Variants in PTPRN2 observed in about 807,000 individuals in gnomAD.
PTPRN2 encodes the protein protein tyrosine phosphatase receptor type N2.
Under a neutral mutation model 118.8 loss-of-function variants are expected in PTPRN2, and 74 were observed. The ratio of observed to expected loss-of-function variants is 0.62; its 90% CI spans 0.52 to 0.76. The LOEUF is 0.76. Ranked by LOEUF, PTPRN2 falls within the 30% of genes least tolerant of loss-of-function variation. The pLI, the probability that PTPRN2 is intolerant of heterozygous loss-of-function variation, is 0.00. For synonymous variants in PTPRN2, 641 were observed against 608.0 expected, an observed-to-expected ratio of 1.05 and a Z score of -0.80; for missense variants, 1,481 against 1,394.4, an observed-to-expected ratio of 1.06 and a Z score of -0.99.
intron 2 of PTPRN2, among the ~76,000 whole-genome samples, chr7:158,455,723 G>A (rs534437821): frequency 2.1e-5 from 3 of 146,228 alleles, no homozygotes; most frequent in Middle Eastern, 3.9e-3. Flanking sequence ...GGACGCCATC[G>A]GCCATGGCCA....
chr7:157,809,321 G>C (rs1805829071), intron 12 of PTPRN2, among the ~76,000 whole-genome samples: 2 of 146,302 alleles, frequency 1.4e-5, no homozygotes, highest in East Asian at 2.0e-4. Flanking sequence ...GGTTGGATGA[G>C]ATGACACCGA....
chr7:157,620,572 C>T (rs1476339912), intron 15 of PTPRN2, among the ~76,000 whole-genome samples: 4 of 152,222 alleles, frequency 2.6e-5, no homozygotes, highest in South Asian at 2.1e-4. Context: ...AGGACGACAG[C>T]GTGACCCCAA....
In PTPRN2 at chr7:157,758,060, C is replaced by T. The variant is rs530149612; in HGVS notation, c.1789-75123G>A. On this transcript the variant is annotated intron_variant, in intron 12 of 22. Transcript: ENST00000389418. The stretch of plus-strand genomic sequence containing the variant: ...GACAGCCTTGCCGGTGCGGGGGACG[C>T]GGTCTCGGGACTGACGGCGCAGGGG... 5.3e-5 allele frequency among the ~76,000 whole-genome samples: 8 copies of T among 152,246 alleles called. No individual in the cohort carries two copies. The South Asian group carries it at 1.0e-3, about 20-fold the overall frequency.
In PTPRN2 at chr7:158,501,604, T is replaced by C. The variant is rs540637595; in HGVS notation, c.113-11819A>G. ...TCAGCAGTCGCAGGGGGGGACCTCC[T>C]GCCTCCAGACAGCACAGCAGAGGGA... On this transcript the variant is annotated intron_variant, in intron 1 of 22. Transcript: ENST00000389418. Among the ~76,000 whole-genome samples the C allele has an allele frequency of 8.5e-5, 13 of 152,288 alleles. No individual in the cohort carries two copies. In the South Asian group the frequency reaches 2.5e-3, roughly 29 times the overall value.
chr7:157,771,806 CACACAG>C (rs1404349042), intron 12 of PTPRN2, among the ~76,000 whole-genome samples: 6 of 147,410 alleles, frequency 4.1e-5, no homozygotes, highest in Admixed American at 1.4e-4. Context: ...CAGACACAAA[CACACAG>C]ACACAGACAC....
At chr7:157,711,926 G>A (rs10251150) in intron 12 of PTPRN2, among the ~76,000 whole-genome samples, 7,078 of 126,334 alleles carry the variant, frequency 0.056, 466 homozygotes, top group East Asian at 0.22. Flanking sequence ...GGCCATGCAG[G>A]CCACATGAGT....
chr7:157,860,083 C>T (rs1035793470), intron 12 of PTPRN2, among the ~76,000 whole-genome samples: 3 of 152,256 alleles, frequency 2.0e-5, no homozygotes, highest in African/African-American at 2.4e-5. Flanking sequence ...AGACAGCATG[C>T]GGCTTCGTGA....
rs546119057 is a variant in PTPRN2 at position 158,564,492 on chromosome 7, C to T, written c.112+23066G>A. Among the ~76,000 whole-genome samples the T allele has an allele frequency of 1.2e-3, 190 of 152,376 alleles. 2 individuals carry two copies. Among genetic ancestry groups the T allele is most frequent in the African/African-American group, 4.4e-3 (185 of 41,592 alleles). ...ACCAACACCAGCAAGGCCAGCTGTGCGGCTGCCATCCCAGTGCTCCTGAAG... is the reference window on the plus strand; with the variant it reads ...ACCAACACCAGCAAGGCCAGCTGTGTGGCTGCCATCCCAGTGCTCCTGAAG... On this transcript the variant is annotated intron_variant, in intron 1 of 22. Coordinates refer to ENST00000389418, the MANE Select transcript of PTPRN2 (RefSeq NM_002847.5).
At chr7:157,876,430 A>T (rs1022026525) in intron 12 of PTPRN2, among the ~76,000 whole-genome samples, 4 of 152,226 alleles carry the variant, frequency 2.6e-5, no homozygotes, top group Admixed American at 2.6e-4. Context: ...CTAAAGCCAC[A>T]GCATTTTCTT....
At position 158,525,381 on chromosome 7, in the gene PTPRN2, G is replaced by A. The variant is rs920234793; in HGVS notation, c.113-35596C>T. Among the ~76,000 whole-genome samples the A allele has an allele frequency of 2.0e-5, 3 of 152,212 alleles. No homozygotes were observed. Among genetic ancestry groups the A allele is most frequent in the Non-Finnish European group, 4.4e-5 (3 of 68,042 alleles). On this transcript the variant is annotated intron_variant, in intron 1 of 22. Transcript: ENST00000389418. The surrounding 1 kb of genome is among the most constrained non-coding windows in gnomAD (Gnocchi z 4.1). ...ACGGGCAGGATGCTAGGCCCCAGGG[G>A]CCATGGGCTACGCACGGGCCAGGTT...
intron 14 of PTPRN2, among the ~76,000 whole-genome samples, chr7:157,624,251 T>A (rs1803438413): frequency 6.6e-6 from 1 of 152,022 alleles, no homozygotes; most frequent in African/African-American, 2.4e-5. Flanking sequence ...TGAAACCTTG[T>A]CTCTACTAAA....
rs774796551 is a variant in PTPRN2, at chr7:158,136,668, C to CT, written c.1159dup (p.Arg387LysfsTer46). On this transcript the variant is annotated frameshift_variant, in exon 8 of 23. Transcript: ENST00000389418. LOFTEE classifies it high-confidence loss of function. Reference sequence around the variant, plus strand: ...ACGTCATCTTACCTCTTGGTAAAGTCTATCATCGTCGTCCTGCACTCCGTC... The same window carrying CT: ...ACGTCATCTTACCTCTTGGTAAAGTCTTATCATCGTCGTCCTGCACTCCGTC... The CT allele has an allele frequency of 6.2e-7, 1 of 1,613,842 alleles. No individual in the cohort carries two copies.
chr7:158,332,171 C>T (rs181527565), intron 2 of PTPRN2, among the ~76,000 whole-genome samples: 2 of 149,970 alleles, frequency 1.3e-5, no homozygotes, highest in South Asian at 4.2e-4. Context: ...TCACTCACAT[C>T]CACACTCTCA....
chr7:158,082,434 C>T (rs547454162), intron 10 of PTPRN2, among the ~76,000 whole-genome samples: 1 of 152,328 alleles, frequency 6.6e-6, no homozygotes, highest in South Asian at 2.1e-4. Context: ...TGGTCTTCCT[C>T]CTTGGGATTT....
Position 158,056,604 on chromosome 7 carries a change from G to A in PTPRN2, c.1723+24694C>T, listed in dbSNP as rs189332322. On this transcript the variant is annotated intron_variant, in intron 11 of 22. Coordinates refer to ENST00000389418, the MANE Select transcript of PTPRN2 (RefSeq NM_002847.5). The stretch of plus-strand genomic sequence containing the variant: ...TCCCGTCACCAGCCACAGCAGACCC[G>A]TTCTCCACAAAGCTCGGTCAGCTGC... Among the ~76,000 whole-genome samples the A allele has an allele frequency of 3.8e-4, 58 of 152,306 alleles. 1 individual carries two copies. Among genetic ancestry groups the A allele is most frequent in the Admixed American group, 3.3e-3 (50 of 15,304 alleles).
chr7:158,587,559 C>T lies in PTPRN2; in HGVS notation c.111G>A (p.Leu37=). 1 of 1,330,710 alleles carries T rather than the reference C, an allele frequency of 7.5e-7. No homozygotes were observed. Among genetic ancestry groups the T allele is most frequent in the African/African-American group, 1.5e-5 (1 of 64,654 alleles). 82.4% of individuals were successfully genotyped at this position (1,330,710 alleles called of 1,614,324 possible). The change falls in exon 1 of 23, where the codon CTG becomes CTA. Residue 37 remains leucine (L), a splice_region_variant and synonymous_variant. Coordinates refer to ENST00000389418, the MANE Select transcript of PTPRN2 (RefSeq NM_002847.5). ...CCTCCCCCGGCGCCCCCCACTCACC[C>T]AGACGCCCCGGGAGCTGCCGGCCGC... ...VPRGRQLPGR[L]GCLLEEGLCG...
At chr7:158,141,715 C>T (rs1195013149) in intron 6 of PTPRN2, among the ~76,000 whole-genome samples, 1 of 152,198 alleles carries the variant, frequency 6.6e-6, no homozygotes, top group African/African-American at 2.4e-5. Context: ...ACAGCCATGA[C>T]CCTCTGATTT....
chr7:158,259,278 G>A (rs1019341760), intron 3 of PTPRN2, among the ~76,000 whole-genome samples: 2 of 152,198 alleles, frequency 1.3e-5, no homozygotes, highest in African/African-American at 4.8e-5. Flanking sequence ...ACAGAGAAGG[G>A]CCATGGGAGC....
chr7:158,201,709 A>C (rs923610350), intron 4 of PTPRN2, among the ~76,000 whole-genome samples: 1 of 152,200 alleles, frequency 6.6e-6, no homozygotes, highest in African/African-American at 2.4e-5. Context: ...ACAATCCTTT[A>C]TCTTAACTGG....
Sources: allele counts gnomAD v4.1 joint callset (sites outside exome capture counted in the v4.1 genomes callset), GRCh38; gene constraint gnomAD v4.1.1; non-coding constraint Gnocchi (gnomAD v3.1); transcripts MANE v1.5; gene names NCBI Gene and HGNC (gene_info 2026-07-23, HGNC 2026-07-21).